The following PAM variants were observed in gnomAD, a reference collection of about 807,000 sequenced individuals.
PAM encodes peptidylglycine alpha-amidating monooxygenase.
A neutral mutation model predicts 122.1 loss-of-function variants in PAM; 72 were observed. The ratio of observed to expected loss-of-function variants is 0.59; its 90% CI spans 0.49 to 0.72. The LOEUF (loss-of-function observed/expected upper bound fraction) is 0.72, where lower values mean the gene tolerates loss of function less well. Among genes scored for constraint, PAM ranks in the 30% least tolerant of loss-of-function variants. PAM has a pLI of 0.00. For missense variants in PAM, 1,106 were observed against 1,183.7 expected, an observed-to-expected ratio of 0.93 and a Z score of 0.96; for synonymous variants, 389 against 404.4, an observed-to-expected ratio of 0.96 and a Z score of 0.46.
At chr5:102,797,206 A>G (rs1432195806) in intron 1 of PAM, among the ~76,000 whole-genome samples, 1 of 152,216 alleles carries the variant, frequency 6.6e-6, no homozygotes, top group Non-Finnish European at 1.5e-5. Context: ...TTTTTATTGG[A>G]AAAGGAGACA....
intron 21 of PAM, among the ~76,000 whole-genome samples, chr5:103,010,825 A>G (rs1036666448): frequency 6.6e-6 from 1 of 152,182 alleles, no homozygotes; most frequent in Non-Finnish European, 1.5e-5. Context: ...TTTATGGGGT[A>G]CATGAGATAT....
intron 7 of PAM, among the ~76,000 whole-genome samples, chr5:102,936,344 C>T (rs116410278): frequency 0.021 from 3,143 of 152,094 alleles, 115 homozygotes; most frequent in African/African-American, 0.071. Flanking sequence ...AGGATGTTGG[C>T]AATGTGGATT....
chr5:102,802,074 C>T (rs569654468), intron 1 of PAM, among the ~76,000 whole-genome samples: 72 of 152,126 alleles, frequency 4.7e-4, no homozygotes, highest in African/African-American at 1.7e-3. Flanking sequence ...TGAGCCACCG[C>T]GCCCGGCCGG....
In PAM at chr5:103,025,153, C is replaced by A; in HGVS notation, c.2508C>A (p.Thr836=). ...AAGAAGCCGAGGCAGTTGTTGAAAC[C>A]AAAATGGAGAACAAACCCACCTCCT... ...EIKEAEAVVE[T]KMENKPTSSE... is the part of the protein sequence containing the mutation. Residue 836 remains threonine, a synonymous_variant, in exon 24 of 26, where the codon ACC becomes ACA. Coordinates refer to ENST00000438793, the MANE Select transcript of PAM (RefSeq NM_001177306.2). 6 of 1,613,444 alleles carry A rather than the reference C, an allele frequency of 3.7e-6. No homozygotes were observed. The highest frequency in any genetic ancestry group is 4.2e-6 in the Non-Finnish European group (5 of 1,179,536).
intron 7 of PAM, among the ~76,000 whole-genome samples, chr5:102,943,265 G>A (rs910780005): frequency 6.6e-6 from 1 of 152,266 alleles, no homozygotes; most frequent in Non-Finnish European, 1.5e-5. Context: ...GATCATCTAA[G>A]AACGTAAGAT....
intron 1 of PAM, among the ~76,000 whole-genome samples, chr5:102,773,435 A>T (rs1756323579): frequency 6.6e-6 from 1 of 152,140 alleles, no homozygotes; most frequent in African/African-American, 2.4e-5. Flanking sequence ...CTCTTTTCTT[A>T]TAGCACAAAA....
At position 102,994,830 on chromosome 5, in the gene PAM, C is replaced by T. The variant is rs572033578; in HGVS notation, c.1613+4429C>T. On this transcript the variant is annotated intron_variant, in intron 16 of 25. Coordinates refer to ENST00000438793, the MANE Select transcript of PAM (RefSeq NM_001177306.2). ...GCCAGAGACTTTGTGTTAGTTCTCC[C>T]AGCTTTGTATTAGGTCTCTTTGATA... is the stretch of plus-strand genomic sequence containing the variant. Among the ~76,000 whole-genome samples, 29 of 152,140 alleles carry T rather than the reference C, an allele frequency of 1.9e-4. No individual in the cohort carries two copies. In the South Asian group the frequency reaches 6.0e-3, roughly 32 times the overall value.
At chr5:102,898,125 G>T (rs1021137405) in intron 3 of PAM, among the ~76,000 whole-genome samples, 1 of 151,442 alleles carries the variant, frequency 6.6e-6, no homozygotes, top group Middle Eastern at 3.2e-3. Flanking sequence ...TACTTTTCTT[G>T]GATAGTTCCC....
At chr5:102,958,244 TA>T (rs1201107292) in intron 12 of PAM, among the ~76,000 whole-genome samples, 1 of 152,210 alleles carries the variant, frequency 6.6e-6, no homozygotes, top group African/African-American at 2.4e-5. Context: ...TATATGAATT[TA>T]AAATGTTTTT....
chr5:102,774,584 A>ATT (rs1467686078), intron 1 of PAM, among the ~76,000 whole-genome samples: 1 of 152,276 alleles, frequency 6.6e-6, no homozygotes, highest in African/African-American at 2.4e-5. Flanking sequence ...AAGTCTGTAC[A>ATT]TAAGTATTGC....
At chr5:102,975,788 G>A (rs1347865490) in intron 15 of PAM, among the ~76,000 whole-genome samples, 2 of 152,136 alleles carry the variant, frequency 1.3e-5, no homozygotes, top group African/African-American at 2.4e-5. Flanking sequence ...CCTCTTTGGT[G>A]GGAATACAAT....
At position 103,029,014 on chromosome 5, in the gene PAM, A is replaced by G. The variant is rs1229881709; in HGVS notation, c.2871A>G (p.Ser957=). 2.5e-6 allele frequency: 4 copies of G among 1,613,936 alleles called. No homozygotes were observed. Among genetic ancestry groups the G allele is most frequent in the African/African-American group, 1.3e-5 (1 of 75,036 alleles). Residue 957 remains serine, a synonymous_variant, in exon 26 of 26, where the codon TCA becomes TCG. Transcript: ENST00000438793. ...DQEKEDDGSE[S]EEEYSAPLPA... ...AGAAAGAGGATGATGGAAGTGAATC[A>G]GAAGAGGAGTATTCAGCACCTCTGC...
Position 102,889,931 on chromosome 5 carries a change from A to G in PAM, c.211-11425A>G, listed in dbSNP as rs146230738. On this transcript the variant is annotated intron_variant, in intron 3 of 25. Transcript: ENST00000438793. ...CCTAATGGCAGACTTTGTCTCATCC[A>G]TTAGATTCTAAAGTTTCTGAGTGAA... is the stretch of plus-strand genomic sequence containing the variant. 3.0e-3 allele frequency among the ~76,000 whole-genome samples: 463 copies of G among 152,052 alleles called. 5 individuals are homozygous for G. Among genetic ancestry groups the G allele is most frequent in the African/African-American group, 0.011 (437 of 41,536 alleles).
Position 102,949,537 on chromosome 5 carries a change from T to C in PAM, c.644T>C (p.Val215Ala). Residue 215 changes from valine to alanine, a missense_variant and splice_region_variant, in exon 10 of 26, where the codon GTG (valine) becomes GCG (alanine). Val to Ala is a moderately conservative substitution (Grantham distance 64). Transcript: ENST00000438793. ...TTGTCTGTGTTTTCATTTCCCACAG[T>C]GGTGAATTCTGACATTTCATGCCAT... ...VDTVIPAGEKVVNSDISCHYK... is the reference protein window; with the variant it reads ...VDTVIPAGEKAVNSDISCHYK... 1 of 1,462,442 alleles carries C rather than the reference T, an allele frequency of 6.8e-7. No homozygotes were observed. Among genetic ancestry groups the C allele is most frequent in the Non-Finnish European group, 9.6e-7 (1 of 1,041,860 alleles). 90.6% of individuals were successfully genotyped at this position (1,462,442 alleles called of 1,614,324 possible).
intron 1 of PAM, among the ~76,000 whole-genome samples, chr5:102,850,713 G>A (rs1380163348): frequency 2.0e-5 from 3 of 152,172 alleles, no homozygotes; most frequent in African/African-American, 7.2e-5. Flanking sequence ...CACCAAGCGC[G>A]GGTAGTCGAG....
chr5:102,756,298 A>T (rs560365386), intron 1 of PAM, among the ~76,000 whole-genome samples: 2 of 152,230 alleles, frequency 1.3e-5, no homozygotes, highest in East Asian at 3.9e-4. Context: ...GCTAAAAGGC[A>T]TGTGTTCCTG....
In PAM at chr5:102,956,057, T is replaced by C. The variant is rs1393316048; in HGVS notation, c.906-3818T>C. Among the ~76,000 whole-genome samples, 3 of 152,102 alleles carry C rather than the reference T, an allele frequency of 2.0e-5. No individual in the cohort carries two copies. The East Asian group carries it at 5.8e-4, about 29-fold the overall frequency. ...ATTATAGATGGAAAGGAATAAAGTA[T>C]GACTCTTTTTGTTCAGCTCTTTTAA... On this transcript the variant is annotated intron_variant, in intron 12 of 25. Coordinates refer to ENST00000438793, the MANE Select transcript of PAM (RefSeq NM_001177306.2).
intron 1 of PAM, among the ~76,000 whole-genome samples, chr5:102,801,250 A>G (rs192998561): frequency 6.6e-6 from 1 of 152,212 alleles, no homozygotes; most frequent in Non-Finnish European, 1.5e-5. Context: ...GTTTTCTTGT[A>G]ATTTATATCA....
Position 102,887,119 on chromosome 5 carries a change from C to T in PAM, c.211-14237C>T, listed in dbSNP as rs760033179. Reference sequence around the variant, plus strand: ...TGCTATGGCTTGGATGTGGTTTGTCCCCACCAGAACTCATGTTGAAAGTTG... The same window carrying T: ...TGCTATGGCTTGGATGTGGTTTGTCTCCACCAGAACTCATGTTGAAAGTTG... On this transcript the variant is annotated intron_variant, in intron 3 of 25. Transcript: ENST00000438793. 9.1e-4 allele frequency among the ~76,000 whole-genome samples: 139 copies of T among 151,932 alleles called. 1 individual carries two copies. The highest frequency in any genetic ancestry group is 1.8e-3 in the Non-Finnish European group (119 of 67,944).
Sources: gnomAD v4.1 joint callset for allele counts (sites outside exome capture counted in the v4.1 genomes callset) on GRCh38, gnomAD v4.1.1 for gene constraint, MANE v1.5 for transcripts, NCBI Gene and HGNC (gene_info 2026-07-23, HGNC 2026-07-21) for gene names.